Variants in DAB1 observed in about 807,000 individuals in gnomAD.
DAB1 encodes DAB adaptor protein 1.
DAB1 carries 15 observed loss-of-function variants against 64.6 expected under a neutral mutation model. The ratio of observed to expected loss-of-function variants is 0.23; its 90% CI spans 0.16 to 0.36. The LOEUF (loss-of-function observed/expected upper bound fraction) is 0.36, where lower values mean the gene tolerates loss of function less well. Ranked by LOEUF, DAB1 falls within the 10% of genes least tolerant of loss-of-function variation. DAB1 has a pLI of 1.00. For synonymous variants in DAB1, 235 were observed against 251.9 expected (o/e 0.93, Z 0.64); for missense variants, 596 against 706.7 (o/e 0.84, Z 1.78).
intron 6 of DAB1, among the ~76,000 whole-genome samples, chr1:57,791,565 C>G (rs1569699372): frequency 6.6e-6 from 1 of 152,106 alleles, no homozygotes; most frequent in South Asian, 2.1e-4. Flanking sequence ...CATCTCTAAC[C>G]CTCATTCTTT....
At chr1:57,441,074 A>C (rs1685924296) in intron 7 of DAB1, among the ~76,000 whole-genome samples, 1 of 152,138 alleles carries the variant, frequency 6.6e-6, no homozygotes, top group African/African-American at 2.4e-5. Flanking sequence ...TAAAGACAAA[A>C]AAAAATAGAC....
chr1:57,913,121 AGCCCGCATTGC>A (rs1557552103), intron 5 of DAB1, among the ~76,000 whole-genome samples: 1 of 152,240 alleles, frequency 6.6e-6, no homozygotes, highest in Non-Finnish European at 1.5e-5. Context: ...ACCAAAAAAG[AGCCCGCATTGC>A]CAAATCAATC....
At chr1:57,540,974 T>C (rs1026458473) in intron 7 of DAB1, among the ~76,000 whole-genome samples, 9 of 151,868 alleles carry the variant, frequency 5.9e-5, no homozygotes, top group Non-Finnish European at 8.8e-5. Context: ...GAAGAGAGGA[T>C]TCAGAATGTT....
chr1:57,027,635 G>C (rs1237830457), intron 9 of DAB1, among the ~76,000 whole-genome samples: 2 of 152,138 alleles, frequency 1.3e-5, no homozygotes, highest in Admixed American at 1.3e-4. Context: ...CTGGGCAATG[G>C]AGATGATAAG....
rs1195926407 is a variant in DAB1, at chr1:57,308,089, T to C, written c.-136-16923A>G. Among the ~76,000 whole-genome samples, 3 of 152,192 alleles carry C rather than the reference T, an allele frequency of 2.0e-5. No individual in the cohort carries two copies. The East Asian group carries it at 5.8e-4, about 29-fold the overall frequency. On this transcript the variant is annotated intron_variant, in intron 1 of 14. Transcript: ENST00000371236. ...TTACAGTCTAAATTAAAAGTATTCT[T>C]TAGAGATAAAAAGACCAAAATAAAG... is the stretch of plus-strand genomic sequence containing the variant.
At chr1:58,165,220 T>C (rs146368849) in intron 4 of DAB1, among the ~76,000 whole-genome samples, 60 of 152,262 alleles carry the variant, frequency 3.9e-4, no homozygotes, top group African/African-American at 1.2e-3. Flanking sequence ...CAGAACTCTC[T>C]CCACTGAGGG....
At chr1:57,837,926 C>G (rs898683192) in intron 1 of DAB1, among the ~76,000 whole-genome samples, 1 of 151,752 alleles carries the variant, frequency 6.6e-6, no homozygotes, top group African/African-American at 2.4e-5. Context: ...ATTATCACTT[C>G]CATCACCCCA....
intron 6 of DAB1, among the ~76,000 whole-genome samples, chr1:57,718,116 A>G (rs1004027376): frequency 1.3e-5 from 2 of 152,102 alleles, no homozygotes; most frequent in African/African-American, 2.4e-5. Context: ...ACTAATAACA[A>G]TGTAGTGTAT....
At chr1:58,371,485 C>G (rs968678625) in intron 3 of DAB1, among the ~76,000 whole-genome samples, 1 of 152,126 alleles carries the variant, frequency 6.6e-6, no homozygotes. Flanking sequence ...AAATATGCAG[C>G]CTGACCATAT....
At position 58,258,802 on chromosome 1, in the gene DAB1, G is replaced by A. The variant is rs946021592; in HGVS notation, n.309+84550C>T. On this transcript the variant is annotated intron_variant and non_coding_transcript_variant, in intron 4 of 20. Transcript: ENST00000485760. ...CGTGGGTTAGTAGGTGTTGAAGGGG[G>A]TCTATAGCAATGATGATGCCATTGG... Among the ~76,000 whole-genome samples, 5 of 152,164 alleles carry A rather than the reference G, an allele frequency of 3.3e-5. No individual in the cohort carries two copies. The East Asian group carries it at 7.7e-4, about 23-fold the overall frequency.
At chr1:57,754,258 T>C (rs1017038262) in intron 6 of DAB1, among the ~76,000 whole-genome samples, 2 of 152,216 alleles carry the variant, frequency 1.3e-5, no homozygotes, top group East Asian at 3.8e-4. Flanking sequence ...CCCCTGTAAA[T>C]ATTTGAGTTT....
At chr1:57,603,327 AT>A (rs1367934083) in intron 7 of DAB1, among the ~76,000 whole-genome samples, 1 of 152,088 alleles carries the variant, frequency 6.6e-6, no homozygotes, top group Non-Finnish European at 1.5e-5. Flanking sequence ...ATTCATCTTT[AT>A]TTTGAGATCT....
chr1:57,562,754 C>T (rs1282670314), intron 7 of DAB1, among the ~76,000 whole-genome samples: 1 of 152,098 alleles, frequency 6.6e-6, no homozygotes, highest in Non-Finnish European at 1.5e-5. Flanking sequence ...GGTCTTAGTT[C>T]CAGAGGGAGA....
intron 2 of DAB1, among the ~76,000 whole-genome samples, chr1:58,507,944 T>A (rs1646014957): frequency 6.6e-6 from 1 of 152,156 alleles, no homozygotes; most frequent in African/African-American, 2.4e-5. Context: ...GGACTACAAA[T>A]TCACGAATTA....
intron 4 of DAB1, among the ~76,000 whole-genome samples, chr1:58,311,940 G>T (rs1426130851): frequency 1.3e-5 from 2 of 152,136 alleles, no homozygotes; most frequent in African/African-American, 4.8e-5. Context: ...ACACACAAAA[G>T]TTAGGCAGTT....
rs535380194 is a variant in DAB1 at position 58,543,568 on chromosome 1, C to G, written n.32+3135G>C. ...AACCCCTCCCACTACAGTTTGACCCCAAACTAGAGCTAAAGCATTATTTCT... is the reference window on the plus strand; with the variant it reads ...AACCCCTCCCACTACAGTTTGACCCGAAACTAGAGCTAAAGCATTATTTCT... On this transcript the variant is annotated intron_variant and non_coding_transcript_variant, in intron 1 of 20. Transcript: ENST00000485760. Among the ~76,000 whole-genome samples the G allele has an allele frequency of 2.0e-5, 3 of 152,206 alleles. No homozygotes were observed. In the South Asian group the frequency reaches 6.2e-4, roughly 32 times the overall value.
chr1:57,420,407 T>C (rs1453889604), intron 1 of DAB1, among the ~76,000 whole-genome samples: 1 of 152,192 alleles, frequency 6.6e-6, no homozygotes, highest in Non-Finnish European at 1.5e-5. Context: ...ATCTAGCTAA[T>C]ACAAATGAGA....
chr1:57,090,742 T>C (rs915772497), intron 4 of DAB1, among the ~76,000 whole-genome samples: 7 of 152,140 alleles, frequency 4.6e-5, no homozygotes, highest in Non-Finnish European at 7.4e-5. Context: ...TGTCCTCTAA[T>C]TGAAGTATGT....
chr1:57,798,351 A>G (rs2101868827), intron 6 of DAB1, among the ~76,000 whole-genome samples: 1 of 152,334 alleles, frequency 6.6e-6, no homozygotes, highest in African/African-American at 2.4e-5. Flanking sequence ...TCTATGGACA[A>G]CTTTACACTG....
Sources: allele counts gnomAD v4.1 joint callset (sites outside exome capture counted in the v4.1 genomes callset), GRCh38; gene constraint gnomAD v4.1.1; transcripts MANE v1.5; gene names NCBI Gene and HGNC (gene_info 2026-07-23, HGNC 2026-07-21).